Variants in KCNT1 observed in about 807,000 individuals in gnomAD.
The protein encoded by KCNT1 is potassium channel subfamily T member 1.
In KCNT1, 78 loss-of-function variants were observed where a neutral mutation model predicts 147.8. The observed-to-expected ratio is 0.53, with a 90% CI of 0.44 to 0.64. KCNT1 has a LOEUF of 0.64. Ranked by LOEUF, KCNT1 falls within the 30% of genes least tolerant of loss-of-function variation. The pLI, the probability that KCNT1 is intolerant of heterozygous loss-of-function variation, is 0.00. For synonymous variants in KCNT1, 867 were observed against 748.8 expected (o/e 1.16, Z -2.58); for missense variants, 1,419 against 1,750.3 (o/e 0.81, Z 3.38).
chr9:135,731,977 TATATATATATATATAGAG>T (rs1479848219), intron 2 of KCNT1, among the ~76,000 whole-genome samples: 16 of 30,142 alleles, frequency 5.3e-4, no homozygotes, highest in African/African-American at 8.8e-4. Flanking sequence ...TATATATATA[TATATATATATATATAGAG>T]AGAGAGAGAG....
chr9:135,778,350 GTAGGGC>G (rs1428919078), intron 21 of KCNT1, 68 bp from the exon 22 acceptor site: 1 of 1,375,132 alleles, frequency 7.3e-7, no homozygotes. Context: ...TGCATGGAGG[GTAGGGC>G]CCCACTGGGC....
In KCNT1 at chr9:135,709,940, C is replaced by G. The variant is rs138627306; in HGVS notation, c.111-4637C>G. Among the ~76,000 whole-genome samples, 11 of 152,348 alleles carry G rather than the reference C, an allele frequency of 7.2e-5. No individual in the cohort carries two copies. In the East Asian group the frequency reaches 1.5e-3, roughly 21 times the overall value. On this transcript the variant is annotated intron_variant, in intron 1 of 30. Coordinates refer to ENST00000371757, the MANE Select transcript of KCNT1 (RefSeq NM_020822.3). ...AGGTGATCCACCCACCTTGGCCTCC[C>G]AAAGTGCTGGGATGACAGGCTTGAG...
chr9:135,745,313 T>TC (rs2131393620), intron 2 of KCNT1, among the ~76,000 whole-genome samples: 1 of 151,990 alleles, frequency 6.6e-6, no homozygotes, highest in Admixed American at 6.5e-5. Flanking sequence ...CTCAGGGCGT[T>TC]CCACCGAGCC....
chr9:135,727,246 T>C (rs868229863), intron 2 of KCNT1, among the ~76,000 whole-genome samples: 5 of 99,352 alleles, frequency 5.0e-5, no homozygotes, highest in African/African-American at 1.6e-4. Context: ...TCTCTCCCCC[T>C]CTCTCTCTCC....
intron 11 of KCNT1, among the ~76,000 whole-genome samples, chr9:135,761,940 C>T (rs149574905): frequency 5.8e-4 from 88 of 152,384 alleles, no homozygotes; most frequent in African/African-American, 2.0e-3. Flanking sequence ...CCCAGCCACC[C>T]CCAGGGTCGC....
intron 2 of KCNT1, among the ~76,000 whole-genome samples, chr9:135,732,142 C>A (rs1384922182): frequency 6.6e-6 from 1 of 151,022 alleles, no homozygotes; most frequent in Non-Finnish European, 1.5e-5. Context: ...CCTCAGCCTC[C>A]CCAGTAGCTG....
intron 19 of KCNT1, among the ~76,000 whole-genome samples, chr9:135,774,297 GTGTGTGTCTGTGTGCTGTGTGT>G (rs1832974762): frequency 1.3e-5 from 2 of 148,200 alleles, no homozygotes; most frequent in Non-Finnish European, 1.5e-5. Flanking sequence ...TGTGTGTGGT[GTGTGTGTCTGTGTGCTGTGTGT>G]TGTGTGTCTG....
chr9:135,783,662 C>T (rs1040087770), intron 24 of KCNT1, among the ~76,000 whole-genome samples: 1 of 152,210 alleles, frequency 6.6e-6, no homozygotes, highest in East Asian at 1.9e-4. Flanking sequence ...TACAAAACAC[C>T]GGGGGAGGAG....
At position 135,786,236 on chromosome 9, in the gene KCNT1, C is replaced by T. The variant is rs768536067; in HGVS notation, c.3217C>T (p.Arg1073Trp). Residue 1073 changes from arginine (R) to tryptophan (W), a missense_variant, in exon 29 of 31, where the codon CGG becomes TGG. By Grantham distance (101) the Arg-to-Trp change is moderately radical. Transcript: ENST00000371757. Reference protein sequence around the residue: ...SVNVEDCEDTREVKGPWGSRA... With the variant: ...SVNVEDCEDTWEVKGPWGSRA... ...GAACGTGGAGGACTGTGAGGACACA[C>T]GGGAAGTGAAGGGGCCCTGGGGCTC... The T allele has an allele frequency of 7.4e-6, 12 of 1,611,584 alleles. No homozygotes were observed. Among genetic ancestry groups the T allele is most frequent in the Admixed American group, 3.3e-5 (2 of 59,940 alleles).
chr9:135,704,689 G>T (rs548107347), intron 1 of KCNT1, among the ~76,000 whole-genome samples: 27 of 152,372 alleles, frequency 1.8e-4, no homozygotes, highest in African/African-American at 6.0e-4. Flanking sequence ...TGTGCTCCAG[G>T]GCGGGCCTGG....
chr9:135,751,599 T>C (rs1316384495), intron 4 of KCNT1, among the ~76,000 whole-genome samples: 1 of 152,160 alleles, frequency 6.6e-6, no homozygotes, highest in Non-Finnish European at 1.5e-5. Context: ...GGTGGGAACT[T>C]GCTCTCTCTG....
chr9:135,785,553 G>C (rs1833980163), intron 28 of KCNT1: 1 of 657,178 alleles, frequency 1.5e-6, no homozygotes, highest in Non-Finnish European at 2.7e-6. Context: ...GAGGCCTGGG[G>C]GGAGTAGCCT....
intron 24 of KCNT1, among the ~76,000 whole-genome samples, chr9:135,783,643 G>A (rs565528940): frequency 6.8e-4 from 104 of 152,328 alleles, no homozygotes; most frequent in Non-Finnish European, 9.1e-4. Context: ...CACGCCCTCC[G>A]GCACCACTTA....
chr9:135,778,503 G>A lies in KCNT1; in HGVS notation c.2594+8G>A, dbSNP rs1364308920. On this transcript the variant is annotated splice_region_variant and intron_variant, in intron 22 of 30. Coordinates refer to ENST00000371757, the MANE Select transcript of KCNT1 (RefSeq NM_020822.3). The stretch of plus-strand genomic sequence containing the variant: ...GGAGGGCTCTGTGGACAAGTAAGGC[G>A]TGGCCGGCCGAGGCTCGTGGGGGCT... 6.3e-6 allele frequency: 10 copies of A among 1,581,428 alleles called. No homozygotes were observed. The Admixed American group carries it at 7.3e-5, about 12-fold the overall frequency.
At chr9:135,703,857 T>C (rs1008773444) in intron 1 of KCNT1, among the ~76,000 whole-genome samples, 4 of 152,148 alleles carry the variant, frequency 2.6e-5, no homozygotes, top group Non-Finnish European at 5.9e-5. Flanking sequence ...TCTCTCCCAA[T>C]TGGCCCTGCC....
chr9:135,754,500 G>A (rs965420470), intron 5 of KCNT1, among the ~76,000 whole-genome samples: 1 of 152,182 alleles, frequency 6.6e-6, no homozygotes, highest in Non-Finnish European at 1.5e-5. Context: ...TGACTGCGGG[G>A]CAACTGGGGT....
At chr9:135,768,115 A>G (rs1832418020) in intron 13 of KCNT1, among the ~76,000 whole-genome samples, 1 of 149,968 alleles carries the variant, frequency 6.7e-6, no homozygotes, top group African/African-American at 2.5e-5. Flanking sequence ...CTCGGGGGAC[A>G]GGTGTGGCTC....
At chr9:135,728,516 G>A (rs1836308232) in intron 2 of KCNT1, among the ~76,000 whole-genome samples, 1 of 152,230 alleles carries the variant, frequency 6.6e-6, no homozygotes, top group South Asian at 2.1e-4. Flanking sequence ...AGGAGGCCCT[G>A]ATTAGGTCTC....
intron 4 of KCNT1, among the ~76,000 whole-genome samples, chr9:135,751,360 G>C (rs1831156156): frequency 1.3e-5 from 2 of 151,916 alleles, no homozygotes; most frequent in Admixed American, 1.3e-4. Context: ...AAGTGTCTCT[G>C]TGCTCACTTG....
Sources: allele counts gnomAD v4.1 joint callset (sites outside exome capture counted in the v4.1 genomes callset), GRCh38; gene constraint gnomAD v4.1.1; transcripts MANE v1.5; gene names NCBI Gene and HGNC (gene_info 2026-07-23, HGNC 2026-07-21).